The following C5orf15 variants were observed in gnomAD, a reference collection of about 807,000 sequenced individuals.
C5orf15 encodes the protein chromosome 5 open reading frame 15.
C5orf15 carries 10 observed loss-of-function variants against 17.8 expected under a neutral mutation model. That is an observed-to-expected ratio of 0.56 (90% CI 0.35 to 0.95). The LOEUF is 0.95. C5orf15 is among the 40% of genes least tolerant of loss of function. The pLI, the probability that C5orf15 is intolerant of heterozygous loss-of-function variation, is 0.02. For missense variants in C5orf15, 319 were observed against 331.7 expected (o/e 0.96, Z 0.30); for synonymous variants, 124 against 131.0 (o/e 0.95, Z 0.36).
intron 1 of C5orf15, 132 bp from the exon 2 acceptor site, chr5:133,960,152 T>C (rs1752102797): frequency 9.9e-6 from 7 of 705,504 alleles, no homozygotes; most frequent in East Asian, 2.8e-5. Context: ...AAACTAGTTA[T>C]TAAGTCTCAA....
chr5:133,958,198 T>C (rs1308000899), intron 2 of C5orf15, among the ~76,000 whole-genome samples: 2 of 151,336 alleles, frequency 1.3e-5, no homozygotes, highest in Non-Finnish European at 2.9e-5. Context: ...GTGGACAACA[T>C]AGCAAGATCC....
At position 133,968,524 on chromosome 5, in the gene C5orf15, A is replaced by C. The variant is rs1218305250; in HGVS notation, c.61T>G (p.Ser21Ala). ...AACCCCACAAGGGCTTGGATGGCCG[A>C]CCCGGGCAGCAGTTTCGCTTGTGCT... ...GPAQAKLLPG[S>A]AIQALVGLAR... is the part of the protein sequence containing the mutation. Residue 21 changes from serine (S) to alanine (A), a missense_variant, in exon 1 of 3, where the codon TCG (serine) becomes GCG (alanine). Coordinates refer to ENST00000231512, the MANE Select transcript of C5orf15 (RefSeq NM_020199.3). 1 of 1,608,080 alleles carries C rather than the reference A, an allele frequency of 6.2e-7. No homozygotes were observed. The highest frequency in any genetic ancestry group is 8.5e-7 in the Non-Finnish European group (1 of 1,177,856).
chr5:133,966,248 C>T (rs1301513299), intron 1 of C5orf15, among the ~76,000 whole-genome samples: 3 of 151,842 alleles, frequency 2.0e-5, no homozygotes, highest in Non-Finnish European at 4.4e-5. Context: ...ATTTAATTCT[C>T]CCCTTCTACT....
At chr5:133,966,981 C>G (rs1463372147) in intron 1 of C5orf15, among the ~76,000 whole-genome samples, 5 of 152,220 alleles carry the variant, frequency 3.3e-5, no homozygotes, top group African/African-American at 9.6e-5. Flanking sequence ...ACTTAACAGT[C>G]CACATTCTGC....
chr5:133,956,817 C>A lies in C5orf15; in HGVS notation c.*42G>T. ...ATTTGCACAATATCATATAAAAAGT[C>A]AAGCAAATAAAATTACATAAGCAAA... On this transcript the variant is annotated 3_prime_UTR_variant, in exon 3 of 3. Coordinates refer to ENST00000231512, the MANE Select transcript of C5orf15 (RefSeq NM_020199.3). 1 of 1,557,062 alleles carries A rather than the reference C, an allele frequency of 6.4e-7. No individual in the cohort carries two copies. Among genetic ancestry groups the A allele is most frequent in the South Asian group, 1.2e-5 (1 of 81,166 alleles).
In C5orf15 at chr5:133,956,995, A is replaced by G. The variant is rs746634804; in HGVS notation, c.667-5T>C. 6.2e-5 allele frequency: 100 copies of G among 1,604,938 alleles called. No individual in the cohort carries two copies. The highest frequency in any genetic ancestry group is 8.4e-5 in the Non-Finnish European group (99 of 1,177,338). ...GCTTTGAACCAGAAGAAAAATCTGG[A>G]AAACAGAAGTCATTAAATAGGCAAA... On this transcript the variant is annotated splice_polypyrimidine_tract_variant and splice_region_variant and intron_variant, in intron 2 of 2. Coordinates refer to ENST00000231512, the MANE Select transcript of C5orf15 (RefSeq NM_020199.3).
intron 1 of C5orf15, among the ~76,000 whole-genome samples, chr5:133,965,885 A>G (rs779365401): frequency 2.0e-5 from 3 of 152,190 alleles, no homozygotes; most frequent in Admixed American, 1.3e-4. Flanking sequence ...AGTTTGTGCT[A>G]CTGCACTCCA....
intron 2 of C5orf15, among the ~76,000 whole-genome samples, 151 bp downstream of exon 2, chr5:133,959,341 CTG>C (rs1268048158): frequency 7.5e-6 from 1 of 133,206 alleles, no homozygotes; most frequent in Non-Finnish European, 1.5e-5. Context: ...CTCCAGTGAG[CTG>C]TGATTGTGCC....
chr5:133,959,943 G>A lies in C5orf15; in HGVS notation c.217C>T (p.His73Tyr). The stretch of plus-strand genomic sequence containing the variant: ...ATAGAAGGTTTGGTTTGGTTTTCAT[G>A]TGTTAAAGCATTCACATTTGGGGTA... Reference protein sequence around the residue: ...ISTPNVNALTHENQTKPSISQ... With the variant: ...ISTPNVNALTYENQTKPSISQ... Residue 73 changes from histidine (H) to tyrosine (Y), a missense_variant, in exon 2 of 3, where the codon CAT (histidine) becomes TAT (tyrosine). Physicochemically the swap from His to Tyr is moderately conservative, Grantham distance 83 (BLOSUM62 2). Around this residue, in one of 3 missense-constraint regions of C5orf15, gnomAD observed 127 missense variants for 95.6 expected, o/e 1.33. Coordinates refer to ENST00000231512, the MANE Select transcript of C5orf15 (RefSeq NM_020199.3). The A allele has an allele frequency of 1.9e-6, 3 of 1,614,090 alleles. No homozygotes were observed. Among genetic ancestry groups the A allele is most frequent in the Non-Finnish European group, 2.5e-6 (3 of 1,179,984 alleles).
intron 1 of C5orf15, among the ~76,000 whole-genome samples, chr5:133,964,516 C>T (rs1307089975): frequency 1.3e-5 from 2 of 151,974 alleles, no homozygotes; most frequent in Non-Finnish European, 2.9e-5. Context: ...ATATCCTGGT[C>T]GTGATATTGC....
intron 1 of C5orf15, among the ~76,000 whole-genome samples, chr5:133,966,076 A>G (rs1752187676): frequency 6.6e-6 from 1 of 151,980 alleles, no homozygotes; most frequent in Non-Finnish European, 1.5e-5. Flanking sequence ...TACAAAAACT[A>G]GCCAGGTGTG....
At chr5:133,962,047 G>T (rs559920727) in intron 1 of C5orf15, among the ~76,000 whole-genome samples, 16 of 152,144 alleles carry the variant, frequency 1.1e-4, no homozygotes, top group African/African-American at 3.4e-4. Context: ...TATAATTCAA[G>T]AATTTAAAAA....
At chr5:133,968,261 C>G (rs2126879737) in intron 1 of C5orf15, among the ~76,000 whole-genome samples, 185 bp downstream of exon 1, 1 of 152,188 alleles carries the variant, frequency 6.6e-6, no homozygotes, top group African/African-American at 2.4e-5. Flanking sequence ...CTTGGAGACC[C>G]TACCACCTTG....
rs544989055 is a variant in C5orf15 at position 133,959,981 on chromosome 5, T to C, written c.179A>G (p.Asn60Ser). 2.2e-4 allele frequency: 359 copies of C among 1,613,044 alleles called. 8 individuals carry two copies. The South Asian group carries it at 3.9e-3, about 17-fold the overall frequency. ...RTDSPSPTVL[N>S]SHISTPNVNA... is the part of the protein sequence containing the mutation. ...CACATTTGGGGTAGAAATATGTGAG[T>C]TGAGTACGGTTGGGCTCGGTGAATC... Residue 60 changes from asparagine to serine, a missense_variant, in exon 2 of 3, where the codon AAC (asparagine) becomes AGC (serine). Around this residue, in one of 3 missense-constraint regions of C5orf15, gnomAD observed 127 missense variants for 95.6 expected, o/e 1.33. Coordinates refer to ENST00000231512, the MANE Select transcript of C5orf15 (RefSeq NM_020199.3).
At chr5:133,962,463 C>A (rs1325418905) in intron 1 of C5orf15, among the ~76,000 whole-genome samples, 20 of 152,204 alleles carry the variant, frequency 1.3e-4, no homozygotes, top group Admixed American at 1.3e-3. Context: ...CCGTTCTTCT[C>A]CCTAAATGCC....
intron 1 of C5orf15, among the ~76,000 whole-genome samples, chr5:133,961,915 C>T (rs1752130460): frequency 6.6e-6 from 1 of 151,908 alleles, no homozygotes; most frequent in African/African-American, 2.4e-5. Flanking sequence ...TAATTGAGTT[C>T]CTTGAAATTT....
rs1290301292 is a variant in C5orf15, at chr5:133,959,661, C to A, written c.499G>T (p.Asp167Tyr). The change falls in exon 2 of 3, where the codon GAC (aspartate) becomes TAC (tyrosine). Residue 167 changes from aspartate (D) to tyrosine (Y), a missense_variant. Asp to Tyr is a radical substitution (Grantham distance 160). Around this residue, in one of 3 missense-constraint regions of C5orf15, gnomAD observed 175 missense variants for 192.4 expected, o/e 0.91. Transcript: ENST00000231512. ...TGPRDDDESDDTLEENRGYME... is the reference protein window; with the variant it reads ...TGPRDDDESDYTLEENRGYME... ...TAACCCCTGTTTTCTTCCAAGGTGTCATCAGACTCGTCGTCGTCCCTGGGG... is the reference window on the plus strand; with the variant it reads ...TAACCCCTGTTTTCTTCCAAGGTGTAATCAGACTCGTCGTCGTCCCTGGGG... 2 of 1,613,616 alleles carry A rather than the reference C, an allele frequency of 1.2e-6. No homozygotes were observed. The highest frequency in any genetic ancestry group is 4.5e-5 in the East Asian group (2 of 44,886).
chr5:133,964,149 G>A (rs530700726), intron 1 of C5orf15, among the ~76,000 whole-genome samples: 11 of 152,226 alleles, frequency 7.2e-5, no homozygotes, highest in East Asian at 1.9e-4. Context: ...CCTGGGAGGC[G>A]GAGGTTGCAG....
In C5orf15 at chr5:133,956,595, A is replaced by G. The variant is rs886796956; in HGVS notation, c.*264T>C. ...CATCACTAATACTTCCAGAAGAAGCATAATAAATCTAAAACAATAAAAACT... is the reference window on the plus strand; with the variant it reads ...CATCACTAATACTTCCAGAAGAAGCGTAATAAATCTAAAACAATAAAAACT... On this transcript the variant is annotated 3_prime_UTR_variant, in exon 3 of 3. Coordinates refer to ENST00000231512, the MANE Select transcript of C5orf15 (RefSeq NM_020199.3). 1 of 195,570 alleles carries G rather than the reference A, an allele frequency of 5.1e-6. No individual in the cohort carries two copies. Among genetic ancestry groups the G allele is most frequent in the Non-Finnish European group, 1.0e-5 (1 of 96,838 alleles). 12.1% of individuals were successfully genotyped at this position (195,570 alleles called of 1,614,324 possible). A position where few individuals can be genotyped will look rare whatever the true frequency, so the allele number is the denominator to read the frequency against.
Sources: allele counts gnomAD v4.1 joint callset (sites outside exome capture counted in the v4.1 genomes callset), GRCh38; gene constraint gnomAD v4.1.1; regional missense constraint gnomAD v4.1.1; transcripts MANE v1.5; gene names NCBI Gene and HGNC (gene_info 2026-07-23, HGNC 2026-07-21).